EZH1: variants seen among roughly 807,000 people sequenced by gnomAD.
EZH1 encodes histone-lysine N-methyltransferase EZH1.
Under a neutral mutation model 100.5 loss-of-function variants are expected in EZH1, and 33 were observed. That is an observed-to-expected ratio of 0.33 (90% CI 0.25 to 0.44). EZH1 has a LOEUF of 0.44. Ranked by LOEUF, EZH1 falls within the 20% of genes least tolerant of loss-of-function variation. The probability of loss-of-function intolerance (pLI) is 1.00; values close to 1 mark genes in which losing one functional copy is unlikely to be tolerated. For missense variants in EZH1, 475 were observed against 928.4 expected (o/e 0.51, Z 6.35); for synonymous variants, 272 against 313.8 (o/e 0.87, Z 1.41).
intron 19 of EZH1, chr17:42,703,249 A>T: frequency 2.8e-6 from 1 of 356,968 alleles, no homozygotes; most frequent in Non-Finnish European, 5.3e-6. Context: ...ATCTTGGCTC[A>T]TTGCAACCTC....
chr17:42,727,284 G>C, intron 4 of EZH1, among the ~76,000 whole-genome samples: 1 of 151,844 alleles, frequency 6.6e-6, no homozygotes, highest in Middle Eastern at 3.2e-3. Context: ...ATAAGGTCTT[G>C]TCTGTCAACC....
intron 1 of EZH1, among the ~76,000 whole-genome samples, chr17:42,738,282 G>A (rs114918122): frequency 0.011 from 1,596 of 151,784 alleles, 52 homozygotes; most frequent in South Asian, 0.097. Context: ...TCTACATAAG[G>A]TGTCCCTTTG....
chr17:42,702,267 C>T lies in EZH1; in HGVS notation c.*265G>A, dbSNP rs1321840134. 2 of 408,186 alleles carry T rather than the reference C, an allele frequency of 4.9e-6. No individual in the cohort carries two copies. The highest frequency in any genetic ancestry group is 8.8e-6 in the Non-Finnish European group (2 of 227,102). 25.3% of individuals were successfully genotyped at this position (408,186 alleles called of 1,614,324 possible). On this transcript the variant is annotated 3_prime_UTR_variant, in exon 21 of 21. Coordinates refer to ENST00000428826, the MANE Select transcript of EZH1 (RefSeq NM_001991.5). ...CATAAGTCATCCACCCCAGCCTGTG[C>T]TCGCTTCTTCTGAGGCCAGAGAAAC...
Position 42,719,214 on chromosome 17 carries a change from T to C in EZH1, c.665-7A>G, listed in dbSNP as rs1263562968. The C allele has an allele frequency of 3.1e-6, 5 of 1,610,024 alleles. 1 individual carries two copies. The highest frequency in any genetic ancestry group is 1.7e-5 in the Admixed American group (1 of 59,978). On this transcript the variant is annotated splice_polypyrimidine_tract_variant and splice_region_variant and intron_variant, in intron 7 of 20. Transcript: ENST00000428826. Reference sequence around the variant, plus strand: ...TTGGAACTCTTTTTGTTGCCTGAATTGGAAATGATAAAAAGCTCCTGAGTG... The same window carrying C: ...TTGGAACTCTTTTTGTTGCCTGAATCGGAAATGATAAAAAGCTCCTGAGTG...
intron 10 of EZH1, among the ~76,000 whole-genome samples, chr17:42,715,785 C>T (rs2053591618): frequency 6.6e-6 from 1 of 152,228 alleles, no homozygotes; most frequent in Middle Eastern, 3.4e-3. Flanking sequence ...CGCCTTATTA[C>T]ACCTGTAATC....
At chr17:42,744,358 G>A (rs1289422823) in intron 1 of EZH1, among the ~76,000 whole-genome samples, 2 of 152,128 alleles carry the variant, frequency 1.3e-5, no homozygotes, top group Non-Finnish European at 2.9e-5. Flanking sequence ...GATCATTGGC[G>A]TGAGACCAAA....
At chr17:42,728,221 C>T (rs1464545270) in intron 3 of EZH1, among the ~76,000 whole-genome samples, 1 of 149,908 alleles carries the variant, frequency 6.7e-6, no homozygotes, top group African/African-American at 2.5e-5. Context: ...TCAAGCAATT[C>T]TCCTGCCTCA....
chr17:42,728,303 G>A (rs1467277281), intron 3 of EZH1, among the ~76,000 whole-genome samples: 2 of 145,138 alleles, frequency 1.4e-5, no homozygotes, highest in African/African-American at 5.1e-5. Context: ...TAGTAGAGAC[G>A]AGGTTTCACC....
intron 1 of EZH1, among the ~76,000 whole-genome samples, chr17:42,733,046 A>G (rs113587534): frequency 0.016 from 2,412 of 151,252 alleles, 85 homozygotes; most frequent in South Asian, 0.096. Context: ...AAAAAAAAAA[A>G]AAAAGAAAAA....
intron 13 of EZH1, chr17:42,709,260 G>A (rs1040738768): frequency 2.7e-5 from 7 of 262,226 alleles, no homozygotes; most frequent in African/African-American, 1.3e-4. Flanking sequence ...GTGGAGATAT[G>A]GGGGAGTTTC....
intron 13 of EZH1, chr17:42,709,571 A>G (rs1374758404): frequency 6.0e-6 from 2 of 335,044 alleles, no homozygotes; most frequent in East Asian, 5.1e-5. Context: ...GGGTGGAGCC[A>G]TGAGGCCAGC....
At chr17:42,712,592 G>T in intron 11 of EZH1, 107 bp from the exon 12 acceptor site, 1 of 1,120,452 alleles carries the variant, frequency 8.9e-7, no homozygotes, top group Non-Finnish European at 1.3e-6. Flanking sequence ...AGGTAGAACA[G>T]TTAGGAATGA....
At chr17:42,722,356 G>A (rs894214838) in intron 6 of EZH1, among the ~76,000 whole-genome samples, 2 of 151,644 alleles carry the variant, frequency 1.3e-5, no homozygotes, top group African/African-American at 2.4e-5. Flanking sequence ...TAGGCATGGT[G>A]GCTCACGCCT....
At chr17:42,744,656 C>T (rs1194461780) in intron 1 of EZH1, among the ~76,000 whole-genome samples, 1 of 152,184 alleles carries the variant, frequency 6.6e-6, no homozygotes, top group Non-Finnish European at 1.5e-5. Context: ...AAGGCCCCCG[C>T]AGGTGCCACC....
chr17:42,719,087 TG>T lies in EZH1; in HGVS notation c.767+17del. 1 of 1,593,786 alleles carries T rather than the reference TG, an allele frequency of 6.3e-7. No homozygotes were observed. Among genetic ancestry groups the T allele is most frequent in the Non-Finnish European group, 8.6e-7 (1 of 1,161,716 alleles). ...CCGAGCACTCTGTATATGGCCTAAG[TG>T]GGACAGCTTTCCCTACCTCTCCTTC... On this transcript the variant is annotated intron_variant, in intron 8 of 20. Coordinates refer to ENST00000428826, the MANE Select transcript of EZH1 (RefSeq NM_001991.5).
At chr17:42,710,773 G>A (rs1165780066) in intron 12 of EZH1, among the ~76,000 whole-genome samples, 2 of 149,296 alleles carry the variant, frequency 1.3e-5, no homozygotes, top group African/African-American at 4.9e-5. Context: ...TAGGACTACA[G>A]GTACGTGGCT....
chr17:42,716,202 GATACT>G (rs2053602243), intron 10 of EZH1, among the ~76,000 whole-genome samples: 2 of 151,988 alleles, frequency 1.3e-5, no homozygotes, highest in South Asian at 2.1e-4. Flanking sequence ...GGTAATAGAG[GATACT>G]ATACAATTTT....
At chr17:42,736,680 A>G (rs2143873971) in intron 1 of EZH1, among the ~76,000 whole-genome samples, 1 of 152,102 alleles carries the variant, frequency 6.6e-6, no homozygotes, top group South Asian at 2.1e-4. Context: ...ACAAAAATAC[A>G]AAAATTAGCT....
rs561180720 is a variant in EZH1, at chr17:42,732,491, G to A, written c.-102-1573C>T. Among the ~76,000 whole-genome samples, 46 of 152,230 alleles carry A rather than the reference G, an allele frequency of 3.0e-4. No individual in the cohort carries two copies. The South Asian group carries it at 3.7e-3, about 12-fold the overall frequency. On this transcript the variant is annotated intron_variant, in intron 1 of 20. Transcript: ENST00000428826. ...CTATTAAAAATCAAAAACATCGGCC[G>A]GGCGCGGTGGCTCACGCCTGTAATC...
Sources: allele counts gnomAD v4.1 joint callset (sites outside exome capture counted in the v4.1 genomes callset), GRCh38; gene constraint gnomAD v4.1.1; transcripts MANE v1.5; gene names NCBI Gene and HGNC (gene_info 2026-07-23, HGNC 2026-07-21).